Variants in PALLD observed in about 807,000 individuals in gnomAD.
PALLD encodes palladin, cytoskeletal associated protein.
In PALLD, 61 loss-of-function variants were observed where a neutral mutation model predicts 123.5. The ratio of observed to expected loss-of-function variants is 0.49; its 90% CI spans 0.40 to 0.61. The LOEUF is 0.61. Among genes scored for constraint, PALLD ranks in the 20% least tolerant of loss-of-function variants. PALLD has a pLI of 0.00. For synonymous variants in PALLD, 465 were observed against 496.4 expected (o/e 0.94, Z 0.84); for missense variants, 1,273 against 1,377.0 (o/e 0.92, Z 1.20).
At chr4:168,587,404 G>C (rs904173860) in intron 2 of PALLD, among the ~76,000 whole-genome samples, 1 of 152,156 alleles carries the variant, frequency 6.6e-6, no homozygotes, top group Non-Finnish European at 1.5e-5. Context: ...TGAAGAAAGG[G>C]AACTGTTTAT....
chr4:168,565,675 A>G (rs1313107743), intron 2 of PALLD, among the ~76,000 whole-genome samples: 2 of 151,902 alleles, frequency 1.3e-5, no homozygotes, highest in East Asian at 1.9e-4. Flanking sequence ...CGAGAAGACC[A>G]CTCCTAGAAG....
At chr4:168,627,330 C>T (rs745631963) in intron 2 of PALLD, among the ~76,000 whole-genome samples, 11 of 151,992 alleles carry the variant, frequency 7.2e-5, no homozygotes, top group South Asian at 2.1e-4. Flanking sequence ...GCCAACATGG[C>T]GAAAACCCAT....
chr4:168,866,362 C>G (rs901370823), intron 10 of PALLD, among the ~76,000 whole-genome samples: 3 of 151,774 alleles, frequency 2.0e-5, no homozygotes, highest in Non-Finnish European at 2.9e-5. Flanking sequence ...TTTTTTCTAC[C>G]ACAAACGTGT....
In PALLD at chr4:168,706,000, T is replaced by C. The variant is rs116282277; in HGVS notation, c.1502-3028T>C. On this transcript the variant is annotated intron_variant, in intron 8 of 21. Transcript: ENST00000505667. Reference sequence around the variant, plus strand: ...TAGATTTCATTGCCCTTTACTTTTTTTATTATGGTTAAAGAAACATATAAC... The same window carrying C: ...TAGATTTCATTGCCCTTTACTTTTTCTATTATGGTTAAAGAAACATATAAC... Among the ~76,000 whole-genome samples, 1,129 of 152,332 alleles carry C rather than the reference T, an allele frequency of 7.4e-3. 14 individuals are homozygous for C. Among genetic ancestry groups the C allele is most frequent in the African/African-American group, 0.026 (1,069 of 41,570 alleles).
chr4:168,609,304 G>A (rs1458335887), intron 2 of PALLD, among the ~76,000 whole-genome samples: 1 of 143,490 alleles, frequency 7.0e-6, no homozygotes, highest in Non-Finnish European at 1.5e-5. Flanking sequence ...AGACAGGAAT[G>A]GAGGACGAGG....
intron 15 of PALLD, among the ~76,000 whole-genome samples, chr4:168,907,202 A>G (rs1757993399): frequency 6.6e-6 from 1 of 152,234 alleles, no homozygotes; most frequent in South Asian, 2.1e-4. Context: ...TATGCTTTCA[A>G]TAAATGCTAG....
At position 168,706,800 on chromosome 4, in the gene PALLD, A is replaced by G. The variant is rs565790557; in HGVS notation, c.1502-2228A>G. ...ACCCAATAACACGACATCAAAAACT[A>G]TATAGTTTGATAATACTTGGACAAA... is the stretch of plus-strand genomic sequence containing the variant. On this transcript the variant is annotated intron_variant, in intron 8 of 21. Coordinates refer to ENST00000505667, the MANE Select transcript of PALLD (RefSeq NM_001166108.2). Among the ~76,000 whole-genome samples, 12 of 152,324 alleles carry G rather than the reference A, an allele frequency of 7.9e-5. No individual in the cohort carries two copies. In the East Asian group the frequency reaches 2.1e-3, roughly 27 times the overall value.
At chr4:168,591,698 T>A (rs997576909) in intron 2 of PALLD, among the ~76,000 whole-genome samples, 1 of 152,200 alleles carries the variant, frequency 6.6e-6, no homozygotes, top group Admixed American at 6.5e-5. Context: ...AACTGTACTT[T>A]GAGAAATTCC....
chr4:168,867,533 G>C (rs943105826), intron 10 of PALLD, among the ~76,000 whole-genome samples: 21 of 152,124 alleles, frequency 1.4e-4, no homozygotes, highest in African/African-American at 5.1e-4. Flanking sequence ...TAGTATAGAA[G>C]AGTATAAAAT....
Position 168,903,920 on chromosome 4 carries a change from T to C in PALLD, c.2622+14T>C. 3 of 1,612,506 alleles carry C rather than the reference T, an allele frequency of 1.9e-6. No homozygotes were observed. Among genetic ancestry groups the C allele is most frequent in the Non-Finnish European group, 2.5e-6 (3 of 1,178,508 alleles). On this transcript the variant is annotated intron_variant, in intron 15 of 21. Coordinates refer to ENST00000505667, the MANE Select transcript of PALLD (RefSeq NM_001166108.2). The stretch of plus-strand genomic sequence containing the variant: ...GCAAACCCTCAGGTAAAGAAGGGTA[T>C]AGGTCTGGGCTCAGTTCTGTGTCTA...
chr4:168,694,510 C>T (rs1216239841), intron 8 of PALLD, among the ~76,000 whole-genome samples: 1 of 152,046 alleles, frequency 6.6e-6, no homozygotes, highest in Non-Finnish European at 1.5e-5. Context: ...CTCACTCCCT[C>T]ATTCTTTTTA....
chr4:168,665,462 T>C (rs944288688), intron 2 of PALLD, among the ~76,000 whole-genome samples: 9 of 151,884 alleles, frequency 5.9e-5, no homozygotes, highest in Admixed American at 5.3e-4. Flanking sequence ...GCTTGGGAGG[T>C]TGAGGCAGGA....
chr4:168,671,604 C>T (rs965715470), intron 3 of PALLD, among the ~76,000 whole-genome samples: 1 of 152,148 alleles, frequency 6.6e-6, no homozygotes. Context: ...AAAACTGGCT[C>T]CTTGGCCTTG....
chr4:168,781,000 C>T (rs1226319371), intron 10 of PALLD, among the ~76,000 whole-genome samples: 1 of 152,124 alleles, frequency 6.6e-6, no homozygotes, highest in Non-Finnish European at 1.5e-5. Flanking sequence ...GTGTAGTTTT[C>T]AAAAGAGCCA....
At chr4:168,758,512 CTCAGGCGTGTAGGTTCT>C (rs1732217366) in intron 10 of PALLD, among the ~76,000 whole-genome samples, 1 of 152,148 alleles carries the variant, frequency 6.6e-6, no homozygotes, top group South Asian at 2.1e-4. Context: ...ATCCATGCAT[CTCAGGCGTGTAGGTTCT>C]TCAGCATGAA....
intron 10 of PALLD, among the ~76,000 whole-genome samples, chr4:168,833,850 G>A (rs1202801769): frequency 6.7e-6 from 1 of 150,282 alleles, no homozygotes; most frequent in Non-Finnish European, 1.5e-5. Context: ...TTAGATCAAT[G>A]GATATAGGAG....
intron 10 of PALLD, among the ~76,000 whole-genome samples, chr4:168,845,671 G>C (rs936273112): frequency 4.6e-5 from 7 of 152,104 alleles, no homozygotes; most frequent in African/African-American, 1.4e-4. Flanking sequence ...CAAATACCGA[G>C]GGACAACTGT....
intron 2 of PALLD, among the ~76,000 whole-genome samples, chr4:168,612,125 A>G (rs1773790067): frequency 6.6e-6 from 1 of 152,184 alleles, no homozygotes; most frequent in Admixed American, 6.5e-5. Flanking sequence ...GTGCCACTGC[A>G]CTCCAGCCTG....
intron 17 of PALLD, among the ~76,000 whole-genome samples, chr4:168,918,765 A>G (rs1387738805): frequency 2.0e-5 from 3 of 152,228 alleles, no homozygotes; most frequent in Non-Finnish European, 2.9e-5. Flanking sequence ...ATTTCAAAAT[A>G]ATGTGCAGAA....
Sources: allele counts gnomAD v4.1 joint callset (sites outside exome capture counted in the v4.1 genomes callset), GRCh38; gene constraint gnomAD v4.1.1; transcripts MANE v1.5; gene names NCBI Gene and HGNC (gene_info 2026-07-23, HGNC 2026-07-21).